NFKB1: variants seen among roughly 807,000 people sequenced by gnomAD.
The protein encoded by NFKB1 is nuclear factor NF-kappa-B p105 subunit.
Under a neutral mutation model 105.1 loss-of-function variants are expected in NFKB1, and 9 were observed. That is an observed-to-expected ratio of 0.09 (90% CI 0.05 to 0.15). The LOEUF is 0.15. Ranked by LOEUF, NFKB1 falls within the 10% of genes least tolerant of loss-of-function variation. NFKB1 has a pLI of 1.00. For synonymous variants in NFKB1, 440 were observed against 442.2 expected (o/e 1.00, Z 0.06); for missense variants, 830 against 1,203.7 (o/e 0.69, Z 4.59).
intron 19 of NFKB1, among the ~76,000 whole-genome samples, chr4:102,609,477 TG>T (rs927833201): frequency 1.3e-5 from 2 of 152,062 alleles, no homozygotes; most frequent in Middle Eastern, 6.8e-3. Context: ...CTGGGCGTGG[TG>T]GCATGCATCT....
chr4:102,597,965 A>G (rs1405869091), intron 15 of NFKB1, among the ~76,000 whole-genome samples: 8 of 152,188 alleles, frequency 5.3e-5, no homozygotes, highest in African/African-American at 1.9e-4. Flanking sequence ...TTGTTTATTG[A>G]AGTAATATTT....
intron 1 of NFKB1, among the ~76,000 whole-genome samples, chr4:102,524,913 G>T (rs1205544532): frequency 6.6e-6 from 1 of 152,194 alleles, no homozygotes; most frequent in African/African-American, 2.4e-5. Context: ...ATGAAGCTTG[G>T]CTGGCTTGCC....
At chr4:102,527,846 C>T (rs1001518613) in intron 2 of NFKB1, among the ~76,000 whole-genome samples, 2 of 152,134 alleles carry the variant, frequency 1.3e-5, no homozygotes. Context: ...GAAATCTTAT[C>T]AACAAGAGAT....
In NFKB1 at chr4:102,593,409, C is replaced by T. The variant is rs1043066234; in HGVS notation, c.1067-16C>T. ...ATCAATCTTTTCTCCTCTGGTTTCT[C>T]TTCCTTTAAATACAGATAAAGAAGA... On this transcript the variant is annotated splice_polypyrimidine_tract_variant and intron_variant, in intron 11 of 23. Transcript: ENST00000226574. The T allele has an allele frequency of 2.5e-6, 4 of 1,600,996 alleles. No homozygotes were observed. Among genetic ancestry groups the T allele is most frequent in the African/African-American group, 2.7e-5 (2 of 74,222 alleles).
chr4:102,513,985 C>T (rs1471664823), intron 1 of NFKB1, among the ~76,000 whole-genome samples: 1 of 151,686 alleles, frequency 6.6e-6, no homozygotes, highest in East Asian at 1.9e-4. Context: ...CATCCTGGCT[C>T]ACACGGTGAA....
At chr4:102,608,449 A>C (rs1217487206) in intron 19 of NFKB1, among the ~76,000 whole-genome samples, 1 of 152,208 alleles carries the variant, frequency 6.6e-6, no homozygotes, top group African/African-American at 2.4e-5. Flanking sequence ...GAACTTCAAG[A>C]CTTTATTCTC....
In NFKB1 at chr4:102,529,822, GTTC is replaced by G; in HGVS notation, c.40-8_40-6del. The stretch of plus-strand genomic sequence containing the variant: ...AAAATAATGATTGAAACATTTAAAT[GTTC>G]TTCTTTACAGATGTTTCATTTGGAT... On this transcript the variant is annotated splice_polypyrimidine_tract_variant and intron_variant, in intron 2 of 23. Transcript: ENST00000226574. The G allele has an allele frequency of 6.5e-7, 1 of 1,547,260 alleles. No homozygotes were observed. Among genetic ancestry groups the G allele is most frequent in the East Asian group, 2.3e-5 (1 of 43,568 alleles).
chr4:102,610,847 T>C, intron 20 of NFKB1, 148 bp downstream of exon 20: 1 of 1,062,434 alleles, frequency 9.4e-7, no homozygotes, highest in South Asian at 1.8e-5. Context: ...ACCATTTTTA[T>C]CTTGAAAAAC....
At position 102,607,328 on chromosome 4, in the gene NFKB1, C is replaced by G. The variant is rs778771318; in HGVS notation, c.2124+9C>G. 11 of 1,607,088 alleles carry G rather than the reference C, an allele frequency of 6.8e-6. No homozygotes were observed. The highest frequency in any genetic ancestry group is 9.4e-6 in the Non-Finnish European group (11 of 1,175,578). ...GCTGCCTGCTCCTGGAGGTGAAGGG[C>G]ACACTTATTTGCTTTTGCATTAAAT... On this transcript the variant is annotated intron_variant, in intron 18 of 23. Coordinates refer to ENST00000226574, the MANE Select transcript of NFKB1 (RefSeq NM_003998.4).
intron 5 of NFKB1, among the ~76,000 whole-genome samples, chr4:102,540,383 T>A (rs1741923598): frequency 6.6e-6 from 1 of 152,182 alleles, no homozygotes; most frequent in African/African-American, 2.4e-5. Flanking sequence ...AGTCACAAAA[T>A]AATTTACAAA....
intron 11 of NFKB1, among the ~76,000 whole-genome samples, chr4:102,587,997 C>T (rs981919325): frequency 6.6e-6 from 1 of 152,134 alleles, no homozygotes; most frequent in Non-Finnish European, 1.5e-5. Context: ...TGTAGTCATT[C>T]CCTATCTCAT....
intron 3 of NFKB1, among the ~76,000 whole-genome samples, 196 bp from the exon 4 acceptor site, chr4:102,533,649 T>C (rs1270160059): frequency 6.6e-6 from 1 of 152,230 alleles, no homozygotes; most frequent in Non-Finnish European, 1.5e-5. Context: ...CTCGTAAAAC[T>C]ATTGTTAAAA....
At chr4:102,605,377 G>T (rs565891409) in intron 16 of NFKB1, among the ~76,000 whole-genome samples, 1 of 152,172 alleles carries the variant, frequency 6.6e-6, no homozygotes, top group Non-Finnish European at 1.5e-5. Flanking sequence ...CATGTGCTGT[G>T]GTCACCTACA....
Position 102,523,196 on chromosome 4 carries a change from G to A in NFKB1, c.-7-2316G>A, listed in dbSNP as rs571057029. On this transcript the variant is annotated intron_variant, in intron 1 of 23. Coordinates refer to ENST00000226574, the MANE Select transcript of NFKB1 (RefSeq NM_003998.4). ...ATGATAGAACTCTTAAATTTCAAGC[G>A]ACTTACCCTCTTTACTCTATCAGGT... Among the ~76,000 whole-genome samples, 5 of 152,230 alleles carry A rather than the reference G, an allele frequency of 3.3e-5. No individual in the cohort carries two copies. The South Asian group carries it at 6.2e-4, about 19-fold the overall frequency.
Position 102,607,236 on chromosome 4 carries a change from C to G in NFKB1, c.2041C>G (p.Gln681Glu). The change falls in exon 18 of 24, where the codon CAG becomes GAG. Residue 681 changes from glutamine to glutamate, a missense_variant. Gln to Glu is a conservative substitution (Grantham distance 29, BLOSUM62 2). Around this residue, in one of 8 missense-constraint regions of NFKB1, gnomAD observed 418 missense variants for 575.3 expected, o/e 0.73. Transcript: ENST00000226574. ...GGCCGCTGGGGCTGACGTCAATGCT[C>G]AGGAGCAGAAGTCCGGGCGCACAGC... ...LVAAGADVNA[Q>E]EQKSGRTALH... is the part of the protein sequence containing the mutation. 1 of 1,614,226 alleles carries G rather than the reference C, an allele frequency of 6.2e-7. No individual in the cohort carries two copies. Among genetic ancestry groups the G allele is most frequent in the Non-Finnish European group, 8.5e-7 (1 of 1,180,030 alleles).
chr4:102,507,604 G>A (rs1004695353), intron 1 of NFKB1, among the ~76,000 whole-genome samples: 1 of 151,870 alleles, frequency 6.6e-6, no homozygotes, highest in Non-Finnish European at 1.5e-5. Context: ...GCTTGGCCAA[G>A]GTGAACCTTT....
intron 13 of NFKB1, among the ~76,000 whole-genome samples, chr4:102,595,846 T>A (rs965849340): frequency 2.0e-5 from 3 of 152,220 alleles, no homozygotes; most frequent in African/African-American, 4.8e-5. Flanking sequence ...AAAATTCAGC[T>A]TTCCTGCAAT....
chr4:102,573,730 TC>T (rs920111377), intron 6 of NFKB1, among the ~76,000 whole-genome samples: 6 of 152,158 alleles, frequency 3.9e-5, no homozygotes, highest in African/African-American at 9.6e-5. Flanking sequence ...TTTTAAAAAA[TC>T]TTTTTTTTCT....
intron 1 of NFKB1, among the ~76,000 whole-genome samples, chr4:102,511,875 CTTAG>C (rs1347228192): frequency 6.6e-6 from 1 of 152,168 alleles, no homozygotes; most frequent in African/African-American, 2.4e-5. Context: ...TCTGCCCTTT[CTTAG>C]TTAGGACCCC....
Sources: gnomAD v4.1 joint callset for allele counts (sites outside exome capture counted in the v4.1 genomes callset) on GRCh38, gnomAD v4.1.1 for gene constraint, gnomAD v4.1.1 regional missense constraint, MANE v1.5 for transcripts, NCBI Gene and HGNC (gene_info 2026-07-23, HGNC 2026-07-21) for gene names.